The following WRN variants were observed in gnomAD, a reference collection of about 807,000 sequenced individuals.
The protein encoded by WRN is bifunctional 3'-5' exonuclease/ATP-dependent helicase WRN.
In WRN, 149 loss-of-function variants were observed where a neutral mutation model predicts 180.7. The observed-to-expected ratio is 0.82, with a 90% CI of 0.72 to 0.94. The LOEUF is 0.94. WRN is among the 40% of genes least tolerant of loss of function. The pLI is 0.00. For missense variants in WRN, 1,661 were observed against 1,700.1 expected (o/e 0.98, Z 0.40); for synonymous variants, 548 against 568.9 (o/e 0.96, Z 0.52).
At chr8:31,162,239 T>A (rs915547841) in intron 33 of WRN, among the ~76,000 whole-genome samples, 4 of 152,256 alleles carry the variant, frequency 2.6e-5, no homozygotes, top group Admixed American at 1.3e-4. Context: ...ATTTTCTTTA[T>A]ATCCTTCTTC....
intron 16 of WRN, among the ~76,000 whole-genome samples, chr8:31,093,205 A>T (rs1813827598): frequency 6.6e-6 from 1 of 152,208 alleles, no homozygotes; most frequent in Non-Finnish European, 1.5e-5. Flanking sequence ...TATTACAAAT[A>T]AAGCTGAGAC....
At chr8:31,091,008 C>A in intron 15 of WRN, 66 bp downstream of exon 15, 1 of 1,178,692 alleles carries the variant, frequency 8.5e-7, no homozygotes, top group Non-Finnish European at 1.3e-6. Context: ...AACATCTGAT[C>A]CATCATGCAT....
rs747115098 is a variant in WRN, at chr8:31,120,426, TA to T, written c.2630+10del. 7.5e-6 allele frequency: 12 copies of T among 1,610,188 alleles called. No homozygotes were observed. In the East Asian group the frequency reaches 1.6e-4, roughly 21 times the overall value. On this transcript the variant is annotated splice_donor_region_variant and intron_variant, in intron 21 of 34. Transcript: ENST00000298139. ...TCCTGCAGACATTAACTTAAATAGGTAAAAAAAATTTATTGTTTTTACTCTT... is the reference window on the plus strand; with the variant it reads ...TCCTGCAGACATTAACTTAAATAGGTAAAAAAATTTATTGTTTTTACTCTT...
intron 23 of WRN, among the ~76,000 whole-genome samples, chr8:31,127,258 G>C (rs1801962204): frequency 1.3e-5 from 2 of 152,112 alleles, no homozygotes; most frequent in Admixed American, 1.3e-4. Flanking sequence ...TTAGAGATTG[G>C]GGGAGGGAGA....
chr8:31,067,138 C>T lies in WRN; in HGVS notation c.610C>T (p.Pro204Ser), dbSNP rs199644081. The change falls in exon 6 of 35, where the codon CCT becomes TCT. Residue 204 changes from proline (P) to serine (S), a missense_variant. By Grantham distance (74) the Pro-to-Ser change is moderately conservative (BLOSUM62 -1). This residue lies in a region of WRN where 500 missense variants were observed against 504.1 expected (regional missense o/e 0.99). Transcript: ENST00000298139. ...CCGCTGTAGCAATTGGAGTAAATTT[C>T]CTCTCACTGAGGACCAGAAACTGTA... ...SIRCSNWSKF[P>S]LTEDQKLYAA... The T allele has an allele frequency of 7.4e-6, 12 of 1,613,900 alleles. No homozygotes were observed. The East Asian group carries it at 2.5e-4, about 33-fold the overall frequency.
intron 1 of WRN, among the ~76,000 whole-genome samples, chr8:31,056,579 T>A (rs1313195073): frequency 6.6e-6 from 1 of 152,160 alleles, no homozygotes; most frequent in Non-Finnish European, 1.5e-5. Flanking sequence ...AGAACATTCT[T>A]TTTTTGAGTC....
intron 1 of WRN, among the ~76,000 whole-genome samples, chr8:31,037,347 A>G (rs1811488995): frequency 6.6e-6 from 1 of 152,240 alleles, no homozygotes; most frequent in Admixed American, 6.5e-5. Flanking sequence ...GAGCAGCTGT[A>G]AAGAAAAATG....
intron 34 of WRN, among the ~76,000 whole-genome samples, chr8:31,167,800 A>C (rs930184742): frequency 6.6e-6 from 1 of 152,140 alleles, no homozygotes. Context: ...TGTGTATGGC[A>C]TGAGATAAAT....
intron 30 of WRN, 105 bp downstream of exon 30, chr8:31,147,581 G>C: frequency 5.7e-6 from 6 of 1,053,560 alleles, no homozygotes; most frequent in Non-Finnish European, 8.6e-6. Context: ...TGTCACATCT[G>C]GGAGGTGACT....
At chr8:31,167,547 T>G (rs2130516659) in intron 34 of WRN, among the ~76,000 whole-genome samples, 1 of 152,240 alleles carries the variant, frequency 6.6e-6, no homozygotes, top group East Asian at 1.9e-4. Flanking sequence ...TATGGCAGTT[T>G]ATGTAGTTAA....
rs1812611533 is a variant in WRN, at chr8:31,064,350, AG to A, written c.272del (p.Arg91LysfsTer9). ...FDMEWPPLYNRGKLGKVALIQ... is the reference protein window; with the variant it reads ...FDMEWPPLYNXGKLGKVALIQ... The stretch of plus-strand genomic sequence containing the variant: ...CATGGAGTGGCCACCATTATACAAT[AG>A]AGGGAAACTTGGCAAAGTTGCACTA... On this transcript the variant is annotated frameshift_variant, in exon 4 of 35. Coordinates refer to ENST00000298139, the MANE Select transcript of WRN (RefSeq NM_000553.6). LOFTEE classifies it high-confidence loss of function. 1 of 1,614,152 alleles carries A rather than the reference AG, an allele frequency of 6.2e-7. No individual in the cohort carries two copies. Among genetic ancestry groups the A allele is most frequent in the Non-Finnish European group, 8.5e-7 (1 of 1,180,008 alleles).
chr8:31,151,633 A>T (rs1046654375), intron 31 of WRN, among the ~76,000 whole-genome samples: 1 of 152,192 alleles, frequency 6.6e-6, no homozygotes, highest in Non-Finnish European at 1.5e-5. Context: ...ATCTTCTTTC[A>T]TGAATTAGTG....
intron 1 of WRN, among the ~76,000 whole-genome samples, chr8:31,041,639 A>G (rs531339981): frequency 6.6e-6 from 1 of 152,224 alleles, no homozygotes; most frequent in Non-Finnish European, 1.5e-5. Context: ...CGGAAGCAAG[A>G]TCATCAGCTA....
chr8:31,037,783 T>G (rs1811504822), intron 1 of WRN, among the ~76,000 whole-genome samples: 1 of 152,176 alleles, frequency 6.6e-6, no homozygotes, highest in Non-Finnish European at 1.5e-5. Context: ...TTTTAATTAC[T>G]AGAGTTTAGT....
intron 32 of WRN, among the ~76,000 whole-genome samples, chr8:31,156,878 A>C (rs556533328): frequency 6.6e-6 from 1 of 152,326 alleles, no homozygotes; most frequent in South Asian, 2.1e-4. Flanking sequence ...CACCTATTAG[A>C]GTCTTCTCAG....
chr8:31,152,746 A>G (rs1803188094), intron 31 of WRN, among the ~76,000 whole-genome samples: 1 of 152,226 alleles, frequency 6.6e-6, no homozygotes, highest in African/African-American at 2.4e-5. Flanking sequence ...CACTATCAGA[A>G]GTTCCCTCAT....
chr8:31,049,838 C>G (rs898697022), intron 1 of WRN, among the ~76,000 whole-genome samples: 1 of 152,020 alleles, frequency 6.6e-6, no homozygotes, highest in Non-Finnish European at 1.5e-5. Context: ...CATTCCAACT[C>G]ATGTGTAATT....
intron 1 of WRN, among the ~76,000 whole-genome samples, chr8:31,050,989 G>T (rs985422453): frequency 1.3e-5 from 2 of 152,012 alleles, no homozygotes; most frequent in Non-Finnish European, 2.9e-5. Flanking sequence ...AGTATAACGG[G>T]CTAACAGAGT....
At position 31,078,262 on chromosome 8, in the gene WRN, A is replaced by G. The variant is rs187226120; in HGVS notation, c.839+1975A>G. Reference sequence around the variant, plus strand: ...CTTGTGAAGTTTTAGTGTGAAAACGATAACTAGTCTCTTATTTCATGCTCT... The same window carrying G: ...CTTGTGAAGTTTTAGTGTGAAAACGGTAACTAGTCTCTTATTTCATGCTCT... On this transcript the variant is annotated intron_variant, in intron 8 of 34. Transcript: ENST00000298139. 5.3e-5 allele frequency among the ~76,000 whole-genome samples: 8 copies of G among 152,292 alleles called. No individual in the cohort carries two copies. The East Asian group carries it at 1.5e-3, about 29-fold the overall frequency.
Sources: allele counts gnomAD v4.1 joint callset (sites outside exome capture counted in the v4.1 genomes callset), GRCh38; gene constraint gnomAD v4.1.1; regional missense constraint gnomAD v4.1.1; transcripts MANE v1.5; gene names NCBI Gene and HGNC (gene_info 2026-07-23, HGNC 2026-07-21).